The following FAM149B1 variants were observed in gnomAD, a reference collection of about 807,000 sequenced individuals.
The protein encoded by FAM149B1 is family with sequence similarity 149 member B1.
FAM149B1 carries 56 observed loss-of-function variants against 75.3 expected under a neutral mutation model. The ratio of observed to expected loss-of-function variants is 0.74; its 90% CI spans 0.60 to 0.93. FAM149B1 has a LOEUF of 0.93. Ranked by LOEUF, FAM149B1 falls within the 40% of genes least tolerant of loss-of-function variation. The pLI, the probability that FAM149B1 is intolerant of heterozygous loss-of-function variation, is 0.00. For missense variants in FAM149B1, 639 were observed against 708.4 expected (o/e 0.90, Z 1.11); for synonymous variants, 259 against 256.1 (o/e 1.01, Z -0.11).
At chr10:73,179,258 C>T (rs1239510669) in intron 3 of FAM149B1, among the ~76,000 whole-genome samples, 5 of 152,028 alleles carry the variant, frequency 3.3e-5, no homozygotes, top group East Asian at 3.8e-4. Context: ...CCACCATGCC[C>T]GGCCAACATT....
rs1238544791 is a variant in FAM149B1, at chr10:73,168,174, T to G, written c.-166T>G. On this transcript the variant is annotated 5_prime_UTR_variant, in exon 1 of 14. Transcript: ENST00000242505. The stretch of plus-strand genomic sequence containing the variant: ...CGGAGGACTGGAGAGGTGGGGACCC[T>G]GGGGAGGTGGCTGCTCGGAGTCTAG... 1.2e-5 allele frequency: 8 copies of G among 685,962 alleles called. No homozygotes were observed. In the East Asian group the frequency reaches 2.1e-4, roughly 18 times the overall value. 42.5% of individuals were successfully genotyped at this position (685,962 alleles called of 1,614,324 possible).
chr10:73,206,103 C>A (rs2043048190), intron 5 of FAM149B1, among the ~76,000 whole-genome samples: 1 of 152,152 alleles, frequency 6.6e-6, no homozygotes, highest in African/African-American at 2.4e-5. Context: ...CTGACAAGGT[C>A]TCAGAAGGAA....
chr10:73,175,731 T>C (rs1282990110), intron 2 of FAM149B1, among the ~76,000 whole-genome samples: 1 of 146,502 alleles, frequency 6.8e-6, no homozygotes, highest in African/African-American at 2.5e-5. Flanking sequence ...AAGAGCAAGA[T>C]TATAAAAAAC....
intron 1 of FAM149B1, chr10:73,168,975 T>C (rs1256966877): frequency 1.3e-5 from 2 of 152,194 alleles, no homozygotes; most frequent in African/African-American, 4.8e-5. Context: ...AAGATCAGTT[T>C]TGCTTTTGAG....
At chr10:73,188,532 C>A (rs2042587848) in intron 3 of FAM149B1, among the ~76,000 whole-genome samples, 1 of 152,040 alleles carries the variant, frequency 6.6e-6, no homozygotes, top group Non-Finnish European at 1.5e-5. Flanking sequence ...ACCAGCCTGG[C>A]CAAGATGGTG....
chr10:73,232,851 T>C (rs2043737154), intron 9 of FAM149B1, 88 bp from the exon 10 acceptor site: 1 of 771,744 alleles, frequency 1.3e-6, no homozygotes, highest in Admixed American at 2.3e-5. Flanking sequence ...AAATGTAGTT[T>C]CTAGTCTAAG....
At chr10:73,176,814 G>A (rs1396892612) in intron 2 of FAM149B1, among the ~76,000 whole-genome samples, 2 of 151,880 alleles carry the variant, frequency 1.3e-5, no homozygotes, top group African/African-American at 4.8e-5. Context: ...ATCACTTGAG[G>A]TCAGGAGTTC....
At chr10:73,202,672 C>T (rs1173633074) in intron 5 of FAM149B1, among the ~76,000 whole-genome samples, 1 of 136,428 alleles carries the variant, frequency 7.3e-6, no homozygotes, top group Non-Finnish European at 1.6e-5. Context: ...TTCATCCCTT[C>T]CCTCTTCCTT....
At position 73,228,071 on chromosome 10, in the gene FAM149B1, A is replaced by C; in HGVS notation, c.910A>C (p.Asn304His). The change falls in exon 8 of 14, where the codon AAT becomes CAT. Residue 304 changes from asparagine (N) to histidine (H), a missense_variant. Physicochemically the swap from Asn to His is moderately conservative, Grantham distance 68 (BLOSUM62 1). Coordinates refer to ENST00000242505, the MANE Select transcript of FAM149B1 (RefSeq NM_173348.2). The part of the protein sequence containing the change: ...WEGFASDDES[N>H]VAVTRPDSES... ...GTTCCTTTGCCCAGATGATGAGAGT[A>C]ATGTTGCAGTTACCAGACCCGATTC... is the stretch of plus-strand genomic sequence containing the variant. 1 of 1,551,652 alleles carries C rather than the reference A, an allele frequency of 6.4e-7. No homozygotes were observed. The highest frequency in any genetic ancestry group is 8.7e-7 in the Non-Finnish European group (1 of 1,146,840).
At chr10:73,240,435 G>T (rs909757287) in intron 13 of FAM149B1, among the ~76,000 whole-genome samples, 2 of 152,164 alleles carry the variant, frequency 1.3e-5, no homozygotes, top group Admixed American at 6.5e-5. Flanking sequence ...ATAACTGGCT[G>T]GGCGTGGTGG....
rs1843875434 is a variant in FAM149B1, at chr10:73,174,811, T to C, written c.152+20T>C. The C allele has an allele frequency of 6.7e-7, 1 of 1,487,198 alleles. No homozygotes were observed. Among genetic ancestry groups the C allele is most frequent in the East Asian group, 2.5e-5 (1 of 40,636 alleles). 92.1% of individuals were successfully genotyped at this position (1,487,198 alleles called of 1,614,324 possible). The stretch of plus-strand genomic sequence containing the variant: ...CCAAAGGTAATAACACAAAGTGTAC[T>C]TGTTTACTTATTGCACTTGCTCATG... On this transcript the variant is annotated intron_variant, in intron 2 of 13. Coordinates refer to ENST00000242505, the MANE Select transcript of FAM149B1 (RefSeq NM_173348.2).
intron 7 of FAM149B1, among the ~76,000 whole-genome samples, chr10:73,222,416 T>C (rs2043438849): frequency 6.6e-6 from 1 of 152,176 alleles, no homozygotes; most frequent in Non-Finnish European, 1.5e-5. Context: ...TACTGTTCCC[T>C]TCTTTCACTT....
chr10:73,243,529 A>G lies in FAM149B1; in HGVS notation c.*2510A>G. On this transcript the variant is annotated 3_prime_UTR_variant, in exon 14 of 14. Transcript: ENST00000242505. ...GATCCTTTTGTCTGCTCTGTTTGAG[A>G]AGTTAAAACACAAGCTTTCACAACA... 1 of 1,613,888 alleles carries G rather than the reference A, an allele frequency of 6.2e-7. No individual in the cohort carries two copies. The highest frequency in any genetic ancestry group is 8.5e-7 in the Non-Finnish European group (1 of 1,179,956).
intron 8 of FAM149B1, 102 bp downstream of exon 8, chr10:73,228,286 GT>G: frequency 1.1e-6 from 1 of 922,348 alleles, no homozygotes; most frequent in Non-Finnish European, 1.7e-6. Flanking sequence ...GACTCAATAT[GT>G]TTTAGTACAG....
In FAM149B1 at chr10:73,243,723, G is replaced by T; in HGVS notation, c.*2704G>T. The T allele has an allele frequency of 1.8e-6, 2 of 1,118,158 alleles. No homozygotes were observed. Among genetic ancestry groups the T allele is most frequent in the South Asian group, 1.5e-5 (1 of 65,398 alleles). 69.3% of individuals were successfully genotyped at this position (1,118,158 alleles called of 1,614,324 possible). On this transcript the variant is annotated 3_prime_UTR_variant, in exon 14 of 14. Transcript: ENST00000242505. ...ACCACCAAATTGTACACTTTAAAAG[G>T]ACAAATAGAAGGTATGCGGTTATGT...
intron 3 of FAM149B1, among the ~76,000 whole-genome samples, chr10:73,186,255 G>GA (rs1235432176): frequency 6.6e-6 from 1 of 151,740 alleles, no homozygotes; most frequent in Non-Finnish European, 1.5e-5. Flanking sequence ...CAGTAACATA[G>GA]AAAAAACATT....
intron 7 of FAM149B1, among the ~76,000 whole-genome samples, chr10:73,224,053 A>G (rs2043478250): frequency 1.3e-5 from 2 of 152,206 alleles, no homozygotes; most frequent in South Asian, 4.1e-4. Context: ...TTGTAACTGT[A>G]ATTTTGAGAC....
chr10:73,228,358 G>A (rs1054259336), intron 8 of FAM149B1, among the ~76,000 whole-genome samples, 174 bp downstream of exon 8: 2 of 152,178 alleles, frequency 1.3e-5, no homozygotes, highest in African/African-American at 4.8e-5. Flanking sequence ...AATATTAATA[G>A]CAAATTAGAG....
intron 5 of FAM149B1, among the ~76,000 whole-genome samples, chr10:73,197,625 C>T (rs2042837373): frequency 6.6e-6 from 1 of 152,060 alleles, no homozygotes; most frequent in Non-Finnish European, 1.5e-5. Flanking sequence ...TAAAAATTAG[C>T]CAGGTGTGGT....
Sources: allele counts gnomAD v4.1 joint callset (sites outside exome capture counted in the v4.1 genomes callset), GRCh38; gene constraint gnomAD v4.1.1; transcripts MANE v1.5; gene names NCBI Gene and HGNC (gene_info 2026-07-23, HGNC 2026-07-21).